NETO1: variants seen among roughly 807,000 people sequenced by gnomAD.
NETO1 encodes neuropilin and tolloid like 1.
In NETO1, 26 loss-of-function variants were observed where a neutral mutation model predicts 61.3. The observed-to-expected ratio is 0.42, with a 90% CI of 0.31 to 0.59. The LOEUF (loss-of-function observed/expected upper bound fraction) is 0.59, where lower values mean the gene tolerates loss of function less well. NETO1 is among the 20% of genes least tolerant of loss of function. The pLI is 0.12. For synonymous variants in NETO1, 225 were observed against 225.8 expected (o/e 1.00, Z 0.03); for missense variants, 531 against 662.8 (o/e 0.80, Z 2.18).
At chr18:72,765,446 T>C (rs2071121731) in intron 7 of NETO1, among the ~76,000 whole-genome samples, 1 of 152,112 alleles carries the variant, frequency 6.6e-6, no homozygotes, top group African/African-American at 2.4e-5. Flanking sequence ...GGAGATGAAG[T>C]CTCACTCTGT....
At chr18:72,774,849 T>C (rs1446000121) in intron 7 of NETO1, among the ~76,000 whole-genome samples, 2 of 152,238 alleles carry the variant, frequency 1.3e-5, no homozygotes, top group Non-Finnish European at 2.9e-5. Flanking sequence ...AATTGTAGAC[T>C]AAACATTTTG....
At chr18:72,841,166 T>A (rs989625396) in intron 4 of NETO1, among the ~76,000 whole-genome samples, 2 of 152,188 alleles carry the variant, frequency 1.3e-5, no homozygotes. Flanking sequence ...TTAGGAAATG[T>A]GTTTTTTGGT....
intron 7 of NETO1, among the ~76,000 whole-genome samples, chr18:72,778,654 T>C (rs1392156943): frequency 6.6e-6 from 1 of 152,178 alleles, no homozygotes; most frequent in Non-Finnish European, 1.5e-5. Context: ...TCATTCCCAT[T>C]TGAAAGCTCA....
chr18:72,834,943 T>C (rs2073696769), intron 4 of NETO1: 1 of 745,854 alleles, frequency 1.3e-6, no homozygotes, highest in Admixed American at 6.4e-5. Flanking sequence ...TTTAAAATAA[T>C]ATATTACATA....
chr18:72,809,338 A>G (rs1458957973), intron 4 of NETO1, among the ~76,000 whole-genome samples: 1 of 152,226 alleles, frequency 6.6e-6, no homozygotes, highest in Non-Finnish European at 1.5e-5. Context: ...TTAATTTCTT[A>G]AAAAGCCACC....
chr18:72,849,833 C>A (rs1447110462), intron 4 of NETO1, among the ~76,000 whole-genome samples: 3 of 152,144 alleles, frequency 2.0e-5, no homozygotes, highest in Non-Finnish European at 4.4e-5. Flanking sequence ...CAAGTCATAC[C>A]TGGTCTTTTC....
intron 7 of NETO1, among the ~76,000 whole-genome samples, chr18:72,779,881 G>A (rs9961571): frequency 0.039 from 5,946 of 152,242 alleles, 288 homozygotes; most frequent in African/African-American, 0.11. Flanking sequence ...AGATCAAGGT[G>A]CTGGCAGATT....
chr18:72,854,045 T>C (rs1403199426), intron 4 of NETO1, among the ~76,000 whole-genome samples: 4 of 152,098 alleles, frequency 2.6e-5, no homozygotes, highest in Admixed American at 6.5e-5. Flanking sequence ...ATTTTAATAA[T>C]ATATTTCATT....
In NETO1 at chr18:72,756,141, C is replaced by A; in HGVS notation, c.875G>T (p.Cys292Phe). The change falls in exon 8 of 11, where the codon TGT (cysteine) becomes TTT (phenylalanine). Residue 292 changes from cysteine to phenylalanine, a missense_variant. Physicochemically the swap from Cys to Phe is radical, Grantham distance 205. Coordinates refer to ENST00000327305, the MANE Select transcript of NETO1 (RefSeq NM_138966.5). ...ATGGCAGAAGAATGTGTTGCCTTCA[C>A]AAGGAGCTAAAAAGAAGAAGAACAA... is the stretch of plus-strand genomic sequence containing the variant. ...MLFTSFQEPP[C>F]EGNTFFCHSN... The A allele has an allele frequency of 6.4e-7, 1 of 1,567,084 alleles. No individual in the cohort carries two copies. The highest frequency in any genetic ancestry group is 8.8e-7 in the Non-Finnish European group (1 of 1,139,806).
chr18:72,773,120 TC>T (rs2071431489), intron 7 of NETO1, among the ~76,000 whole-genome samples: 1 of 151,760 alleles, frequency 6.6e-6, no homozygotes, highest in Non-Finnish European at 1.5e-5. Context: ...AAACAGGGAT[TC>T]CCCCCTCTCC....
Position 72,746,003 on chromosome 18 carries a change from G to A in NETO1, c.*2176C>T, listed in dbSNP as rs1199832886. 1 of 151,058 alleles carries A rather than the reference G, an allele frequency of 6.6e-6. No homozygotes were observed. The highest frequency in any genetic ancestry group is 2.4e-5 in the African/African-American group (1 of 41,128). 9.4% of individuals were successfully genotyped at this position (151,058 alleles called of 1,614,324 possible). ...TTCTTATTATTATACTTCATTTAGT[G>A]TTTTTTTTTAAAGTCCCATTGGTAG... is the stretch of plus-strand genomic sequence containing the variant. On this transcript the variant is annotated 3_prime_UTR_variant, in exon 11 of 11. Coordinates refer to ENST00000327305, the MANE Select transcript of NETO1 (RefSeq NM_138966.5).
intron 4 of NETO1, among the ~76,000 whole-genome samples, chr18:72,796,119 A>G (rs575535948): frequency 3.9e-5 from 6 of 152,234 alleles, no homozygotes; most frequent in Non-Finnish European, 7.3e-5. Context: ...ACTGCAATAT[A>G]AAAAGTAGCA....
At chr18:72,821,039 A>C (rs1241061274) in intron 4 of NETO1, among the ~76,000 whole-genome samples, 1 of 151,968 alleles carries the variant, frequency 6.6e-6, no homozygotes, top group Non-Finnish European at 1.5e-5. Context: ...GAATACACAA[A>C]AGGCACAAAG....
chr18:72,789,376 T>A (rs1169596049), intron 6 of NETO1, among the ~76,000 whole-genome samples: 2 of 152,162 alleles, frequency 1.3e-5, no homozygotes, highest in East Asian at 3.8e-4. Context: ...AATGCCATTT[T>A]AAAACTTGAA....
intron 7 of NETO1, among the ~76,000 whole-genome samples, chr18:72,770,638 G>A (rs1019554928): frequency 1.2e-4 from 18 of 152,008 alleles, no homozygotes; most frequent in Admixed American, 6.6e-5. Flanking sequence ...ACAAGGTGGC[G>A]GCATTAAGAT....
chr18:72,772,966 T>C (rs887356560), intron 7 of NETO1, among the ~76,000 whole-genome samples: 13 of 150,314 alleles, frequency 8.6e-5, no homozygotes, highest in African/African-American at 2.4e-5. Flanking sequence ...GTATTTCTGC[T>C]GAGGAAATTA....
intron 3 of NETO1, 102 bp from the exon 4 acceptor site, chr18:72,859,176 C>T: frequency 8.6e-7 from 1 of 1,164,900 alleles, no homozygotes; most frequent in Non-Finnish European, 1.2e-6. Flanking sequence ...TTCTCTCAAA[C>T]TTTATGGATG....
At chr18:72,748,220 C>T in intron 10 of NETO1, 56 bp from the exon 11 acceptor site, 1 of 980,998 alleles carries the variant, frequency 1.0e-6, no homozygotes, top group Non-Finnish European at 1.2e-6. Context: ...CATACAAATA[C>T]ACCAATTTAT....
At chr18:72,835,254 G>T in intron 4 of NETO1, 1 of 1,545,616 alleles carries the variant, frequency 6.5e-7, no homozygotes, top group South Asian at 1.2e-5. Context: ...ATCCAGAGAT[G>T]AGATGATGGA....
Sources: allele counts gnomAD v4.1 joint callset (sites outside exome capture counted in the v4.1 genomes callset), GRCh38; gene constraint gnomAD v4.1.1; transcripts MANE v1.5; gene names NCBI Gene and HGNC (gene_info 2026-07-23, HGNC 2026-07-21).